The following SLMAP variants were observed in gnomAD, a reference collection of about 807,000 sequenced individuals.
SLMAP encodes the protein sarcolemmal membrane-associated protein.
In SLMAP, 44 loss-of-function variants were observed where a neutral mutation model predicts 128.8. The observed-to-expected ratio is 0.34, with a 90% CI of 0.27 to 0.44. The LOEUF (loss-of-function observed/expected upper bound fraction) is 0.44. Ranked by LOEUF, SLMAP falls within the 20% of genes least tolerant of loss-of-function variation. SLMAP has a pLI of 1.00. For missense variants in SLMAP, 787 were observed against 985.3 expected (o/e 0.80, Z 2.69); for synonymous variants, 327 against 348.8 (o/e 0.94, Z 0.70).
chr3:57,848,972 G>T (rs2094403780), intron 5 of SLMAP, among the ~76,000 whole-genome samples: 1 of 151,578 alleles, frequency 6.6e-6, no homozygotes, highest in South Asian at 2.1e-4. Context: ...GCCTCCCAAA[G>T]TGCTGGGATT....
intron 2 of SLMAP, among the ~76,000 whole-genome samples, chr3:57,774,363 G>A (rs532084587): frequency 6.6e-6 from 1 of 152,074 alleles, no homozygotes; most frequent in East Asian, 1.9e-4. Flanking sequence ...GTGAAAAAAT[G>A]ATTAAAAAGT....
intron 2 of SLMAP, among the ~76,000 whole-genome samples, chr3:57,788,830 G>A (rs1172089391): frequency 4.6e-5 from 7 of 152,146 alleles, no homozygotes; most frequent in African/African-American, 1.7e-4. Flanking sequence ...GTGGAAGCTC[G>A]CCGGCAGTTG....
intron 17 of SLMAP, among the ~76,000 whole-genome samples, chr3:57,903,143 A>G (rs1442603911): frequency 6.6e-6 from 1 of 152,194 alleles, no homozygotes; most frequent in African/African-American, 2.4e-5. Flanking sequence ...GGTGAAAGTA[A>G]AAGAGCCAAA....
intron 3 of SLMAP, among the ~76,000 whole-genome samples, chr3:57,838,082 A>T (rs1288744840): frequency 6.6e-6 from 1 of 152,216 alleles, no homozygotes; most frequent in African/African-American, 2.4e-5. Flanking sequence ...TGAACAACAG[A>T]ATTACTGATG....
rs397932536 is a variant in SLMAP, at chr3:57,776,506, T to TTCTC, written c.198+18671_198+18674dup. Among the ~76,000 whole-genome samples the TTCTC allele has an allele frequency of 2.1e-3, 265 of 129,008 alleles. 9 individuals carry two copies. Among genetic ancestry groups the TTCTC allele is most frequent in the African/African-American group, 6.8e-3 (233 of 34,060 alleles). The allele number at this position is 129,008 out of a possible 152,430, so 84.6% of individuals were successfully genotyped here. A position where few individuals can be genotyped will look rare whatever the true frequency, so the allele number is the denominator to read the frequency against. ...TCCACAATTCTCCCTGATTTGTCCC[T>TTCTC]TCTCTCTCTCTCTCTCTTTTTTTTT... On this transcript the variant is annotated intron_variant, in intron 2 of 24. Transcript: ENST00000671191.
intron 13 of SLMAP, among the ~76,000 whole-genome samples, chr3:57,869,857 G>A (rs549128599): frequency 5.8e-4 from 87 of 150,564 alleles, no homozygotes; most frequent in Non-Finnish European, 1.1e-3. Flanking sequence ...ACATTTGAAG[G>A]GTTTAGTAAC....
At chr3:57,856,085 T>TGTCTGCCTC (rs1476130234) in intron 6 of SLMAP, among the ~76,000 whole-genome samples, 6 of 151,374 alleles carry the variant, frequency 4.0e-5, no homozygotes, top group Non-Finnish European at 8.8e-5. Flanking sequence ...TGGTGGTGTG[T>TGTCTGCCTC]GTCTGCCTCC....
At chr3:57,806,699 C>T (rs892412198) in intron 2 of SLMAP, among the ~76,000 whole-genome samples, 1 of 152,156 alleles carries the variant, frequency 6.6e-6, no homozygotes, top group Non-Finnish European at 1.5e-5. Flanking sequence ...CTCGGCCTCC[C>T]AAAGTGCAGG....
chr3:57,812,530 TC>T (rs2091171678), intron 2 of SLMAP, among the ~76,000 whole-genome samples: 1 of 152,242 alleles, frequency 6.6e-6, no homozygotes, highest in Admixed American at 6.5e-5. Context: ...AGTTTTGTTT[TC>T]TTTTTCAAGA....
intron 2 of SLMAP, among the ~76,000 whole-genome samples, chr3:57,814,632 G>T (rs2153519417): frequency 6.6e-6 from 1 of 152,196 alleles, no homozygotes; most frequent in African/African-American, 2.4e-5. Context: ...TATATTCTAA[G>T]CATACTTACA....
At chr3:57,877,392 G>A (rs1342656239) in intron 14 of SLMAP, among the ~76,000 whole-genome samples, 2 of 152,026 alleles carry the variant, frequency 1.3e-5, no homozygotes, top group Non-Finnish European at 2.9e-5. Context: ...TTCTGATTAC[G>A]TATTCTACTC....
chr3:57,908,288 G>A lies in SLMAP; in HGVS notation c.1624+282G>A, dbSNP rs116283807. The stretch of plus-strand genomic sequence containing the variant: ...AATTGCATATTAAGTACAACAGAAG[G>A]AAAACTCAAATTTCTAAATTTTTAT... On this transcript the variant is annotated intron_variant, in intron 18 of 24. Transcript: ENST00000671191. Among the ~76,000 whole-genome samples, 431 of 152,298 alleles carry A rather than the reference G, an allele frequency of 2.8e-3. 3 individuals carry two copies. The highest frequency in any genetic ancestry group is 9.9e-3 in the African/African-American group (413 of 41,562).
intron 2 of SLMAP, among the ~76,000 whole-genome samples, chr3:57,803,001 A>G (rs965830179): frequency 9.2e-5 from 14 of 152,328 alleles, no homozygotes; most frequent in African/African-American, 3.4e-4. Flanking sequence ...GTTAAAGTGC[A>G]GTGATTGGAG....
intron 3 of SLMAP, among the ~76,000 whole-genome samples, chr3:57,839,998 A>G (rs1342017644): frequency 2.0e-5 from 3 of 148,182 alleles, no homozygotes; most frequent in African/African-American, 5.1e-5. Context: ...TAAGTTTTAT[A>G]TTTTTAGTAG....
chr3:57,792,712 CAG>C (rs774552207), intron 2 of SLMAP, among the ~76,000 whole-genome samples: 3 of 151,834 alleles, frequency 2.0e-5, no homozygotes, highest in Admixed American at 6.6e-5. Flanking sequence ...ATAATATTGA[CAG>C]TAAAAAATAT....
At chr3:57,782,320 T>C (rs1321596053) in intron 2 of SLMAP, among the ~76,000 whole-genome samples, 1 of 152,236 alleles carries the variant, frequency 6.6e-6, no homozygotes, top group Non-Finnish European at 1.5e-5. Flanking sequence ...TGTGCATTTA[T>C]AGGCAGAAGT....
chr3:57,823,405 G>A (rs2092681174), intron 2 of SLMAP, among the ~76,000 whole-genome samples: 2 of 151,858 alleles, frequency 1.3e-5, no homozygotes, highest in Non-Finnish European at 2.9e-5. Context: ...GGTGTGTGAT[G>A]TTCCCTTCCT....
intron 22 of SLMAP, chr3:57,918,324 A>G (rs768527294): frequency 2.6e-5 from 4 of 152,234 alleles, no homozygotes; most frequent in Non-Finnish European, 5.9e-5. Flanking sequence ...CTATGAACGC[A>G]TTAGTCATTT....
chr3:57,849,243 T>G (rs2094418665), intron 5 of SLMAP, among the ~76,000 whole-genome samples: 1 of 152,146 alleles, frequency 6.6e-6, no homozygotes, highest in Non-Finnish European at 1.5e-5. Flanking sequence ...TCTACAGCCT[T>G]GAAAAAACCC....
Sources: gnomAD v4.1 joint callset for allele counts (sites outside exome capture counted in the v4.1 genomes callset) on GRCh38, gnomAD v4.1.1 for gene constraint, MANE v1.5 for transcripts, NCBI Gene and HGNC (gene_info 2026-07-23, HGNC 2026-07-21) for gene names.